The following MTA3 variants were observed in gnomAD, a reference collection of about 807,000 sequenced individuals.
MTA3 encodes metastasis associated 1 family member 3.
MTA3 carries 34 observed loss-of-function variants against 83.5 expected under a neutral mutation model. The observed-to-expected ratio is 0.41, with a 90% CI of 0.31 to 0.54. MTA3 has a LOEUF of 0.54. MTA3 is among the 20% of genes least tolerant of loss of function. The pLI is 0.33. For synonymous variants in MTA3, 303 were observed against 252.7 expected, an observed-to-expected ratio of 1.20 and a Z score of -1.89; for missense variants, 761 against 726.4, an observed-to-expected ratio of 1.05 and a Z score of -0.55.
chr2:42,547,098 G>GC, intron 2 of MTA3, among the ~76,000 whole-genome samples: 1 of 152,178 alleles, frequency 6.6e-6, no homozygotes, highest in Middle Eastern at 3.4e-3. Context: ...AGATTCCCTG[G>GC]CCCCTCCCCC....
At chr2:42,673,417 G>T (rs1331143574) in intron 8 of MTA3, among the ~76,000 whole-genome samples, 1 of 152,050 alleles carries the variant, frequency 6.6e-6, no homozygotes, top group Admixed American at 6.6e-5. Flanking sequence ...GTTTATCAGG[G>T]TATTAAATGC....
At chr2:42,725,396 G>T (rs949999019) in intron 16 of MTA3, among the ~76,000 whole-genome samples, 4 of 152,208 alleles carry the variant, frequency 2.6e-5, no homozygotes, top group Non-Finnish European at 4.4e-5. Flanking sequence ...GAATGAAATC[G>T]TGGCTCTCAA....
intron 4 of MTA3, among the ~76,000 whole-genome samples, chr2:42,630,720 A>T (rs981340171): frequency 2.0e-5 from 3 of 152,146 alleles, no homozygotes; most frequent in African/African-American, 7.2e-5. Context: ...TGTGCCTAGG[A>T]CATTTTAGTT....
chr2:42,576,491 A>G (rs1377305005), intron 2 of MTA3, among the ~76,000 whole-genome samples: 3 of 152,218 alleles, frequency 2.0e-5, no homozygotes, highest in Non-Finnish European at 4.4e-5. Context: ...GAAGACAGGC[A>G]TGGTGGCTCA....
intron 4 of MTA3, among the ~76,000 whole-genome samples, chr2:42,632,408 C>T (rs955759338): frequency 6.6e-6 from 1 of 152,020 alleles, no homozygotes; most frequent in Non-Finnish European, 1.5e-5. Flanking sequence ...CTGTTTTGTA[C>T]TTATTAACCA....
chr2:42,721,084 G>T (rs1397068401), intron 15 of MTA3, among the ~76,000 whole-genome samples: 1 of 151,708 alleles, frequency 6.6e-6, no homozygotes, highest in Non-Finnish European at 1.5e-5. Context: ...CCCAGACTGT[G>T]CTGTTCTTAC....
intron 4 of MTA3, among the ~76,000 whole-genome samples, 182 bp from the exon 5 acceptor site, chr2:42,639,991 T>G (rs973444098): frequency 6.6e-6 from 1 of 152,166 alleles, no homozygotes; most frequent in African/African-American, 2.4e-5. Flanking sequence ...AAAGACAGCC[T>G]TATTTTATAA....
At chr2:42,722,786 C>T (rs1667520685) in intron 15 of MTA3, 103 bp from the exon 16 acceptor site, 1 of 1,350,192 alleles carries the variant, frequency 7.4e-7, no homozygotes, top group South Asian at 1.4e-5. Flanking sequence ...GGAACTGACT[C>T]TCAGCTCATT....
intron 16 of MTA3, among the ~76,000 whole-genome samples, chr2:42,741,441 C>T (rs1201230116): frequency 6.6e-6 from 1 of 152,222 alleles, no homozygotes; most frequent in African/African-American, 2.4e-5. Flanking sequence ...GACTTGCAAC[C>T]TCTCTTGGCT....
At chr2:42,543,334 T>A (rs1676607398) in intron 2 of MTA3, among the ~76,000 whole-genome samples, 1 of 152,048 alleles carries the variant, frequency 6.6e-6, no homozygotes, top group Admixed American at 6.6e-5. Context: ...CACACCACCA[T>A]GCCCAGCTAA....
intron 4 of MTA3, among the ~76,000 whole-genome samples, chr2:42,635,675 A>G (rs1687119976): frequency 6.6e-6 from 1 of 152,168 alleles, no homozygotes; most frequent in African/African-American, 2.4e-5. Flanking sequence ...AGACTTGTAA[A>G]GTCAATAAAA....
At chr2:42,525,629 T>TCCTA (rs1675670508) in intron 2 of MTA3, among the ~76,000 whole-genome samples, 2 of 99,612 alleles carry the variant, frequency 2.0e-5, no homozygotes, top group African/African-American at 7.7e-5. Flanking sequence ...CTTCCTACTT[T>TCCTA]CTTTCTTTCT....
intron 9 of MTA3, among the ~76,000 whole-genome samples, chr2:42,691,092 G>T (rs1046655064): frequency 6.6e-6 from 1 of 151,880 alleles, no homozygotes; most frequent in Non-Finnish European, 1.5e-5. Context: ...GGCCAGGCTG[G>T]TCTTGAACTC....
At chr2:42,719,204 T>TATA in intron 15 of MTA3, 130 bp downstream of exon 15, 1 of 626,776 alleles carries the variant, frequency 1.6e-6, no homozygotes, top group Non-Finnish European at 2.8e-6. Flanking sequence ...TACCTTTATA[T>TATA]AGTCAGTTTA....
At chr2:42,633,845 C>T (rs1686927950) in intron 4 of MTA3, among the ~76,000 whole-genome samples, 2 of 151,166 alleles carry the variant, frequency 1.3e-5, no homozygotes, top group Admixed American at 1.3e-4. Context: ...GCCGAGACCG[C>T]GCCACTGCAC....
At chr2:42,709,311 A>G in intron 14 of MTA3, 1 of 1,383,174 alleles carries the variant, frequency 7.2e-7, no homozygotes, top group Non-Finnish European at 9.3e-7. Flanking sequence ...AAACTTCTGT[A>G]CTCTTTACCA....
At chr2:42,655,963 C>A (rs917636775) in intron 6 of MTA3, among the ~76,000 whole-genome samples, 3 of 152,210 alleles carry the variant, frequency 2.0e-5, no homozygotes, top group Admixed American at 2.0e-4. Context: ...CATACAGCTA[C>A]TCCAGAAATA....
At chr2:42,591,058 A>T (rs1183055034) in intron 3 of MTA3, among the ~76,000 whole-genome samples, 1 of 152,182 alleles carries the variant, frequency 6.6e-6, no homozygotes, top group Non-Finnish European at 1.5e-5. Context: ...GAGATGCGTC[A>T]TTAGGTGATT....
intron 2 of MTA3, among the ~76,000 whole-genome samples, chr2:42,501,330 C>A (rs1674385872): frequency 6.6e-6 from 1 of 152,124 alleles, no homozygotes; most frequent in Non-Finnish European, 1.5e-5. Flanking sequence ...GGTTAAGAAT[C>A]TTTCTTCCTT....
Sources: gnomAD v4.1 joint callset for allele counts (sites outside exome capture counted in the v4.1 genomes callset) on GRCh38, gnomAD v4.1.1 for gene constraint, MANE v1.5 for transcripts, NCBI Gene and HGNC (gene_info 2026-07-23, HGNC 2026-07-21) for gene names.